The following PPP1CB variants were observed in gnomAD, a reference collection of about 807,000 sequenced individuals.
PPP1CB encodes the protein protein phosphatase 1 catalytic subunit beta, also known as serine/threonine-protein phosphatase PP1-beta catalytic subunit.
In PPP1CB, 2 loss-of-function variants were observed where a neutral mutation model predicts 43.7. That is an observed-to-expected ratio of 0.05 (90% CI 0.02 to 0.14). The LOEUF is 0.14. PPP1CB is among the 10% of genes least tolerant of loss of function. The pLI, the probability that PPP1CB is intolerant of heterozygous loss-of-function variation, is 1.00. For missense variants in PPP1CB, 84 were observed against 398.0 expected (o/e 0.21, Z 6.71); for synonymous variants, 136 against 135.6 (o/e 1.00, Z -0.02).
In PPP1CB at chr2:28,799,591, A is replaced by T. The variant is rs1018438115; in HGVS notation, c.*288A>T. The T allele has an allele frequency of 3.7e-6, 1 of 271,624 alleles. No homozygotes were observed. The highest frequency in any genetic ancestry group is 5.2e-5 in the Admixed American group (1 of 19,318). The allele number at this position is 271,624 out of a possible 1,614,324, so 16.8% of individuals were successfully genotyped here. A position where few individuals can be genotyped will look rare whatever the true frequency, so the allele number is the denominator to read the frequency against. The stretch of plus-strand genomic sequence containing the variant: ...AATTTTTAAAGTTGAAAAGCATCCC[A>T]GTTAAACTAGATGTGATAGTTAAAC... On this transcript the variant is annotated 3_prime_UTR_variant, in exon 8 of 8. Coordinates refer to ENST00000395366, the MANE Select transcript of PPP1CB (RefSeq NM_002709.3).
chr2:28,802,877 A>G lies in PPP1CB; in HGVS notation c.*3574A>G, dbSNP rs1049897861. The G allele has an allele frequency of 6.6e-6, 1 of 152,202 alleles. No individual in the cohort carries two copies. Among genetic ancestry groups the G allele is most frequent in the African/African-American group, 2.4e-5 (1 of 41,464 alleles). The allele number at this position is 152,202 out of a possible 1,614,324, so 9.4% of individuals were successfully genotyped here. A position where few individuals can be genotyped will look rare whatever the true frequency, so the allele number is the denominator to read the frequency against. ...AGACCGTAAGCTTTTTAAGTTTCTC[A>G]TTGTAATTTACCTTCTCATGCAGAT... On this transcript the variant is annotated 3_prime_UTR_variant, in exon 8 of 8. Transcript: ENST00000395366.
At chr2:28,770,283 T>C (rs758267545) in intron 1 of PPP1CB, among the ~76,000 whole-genome samples, 4 of 146,890 alleles carry the variant, frequency 2.7e-5, no homozygotes, top group Admixed American at 7.2e-5. Context: ...GGAGCAAACA[T>C]TGAAATTAAT....
Position 28,799,360 on chromosome 2 carries a change from A to C in PPP1CB, c.*57A>C. On this transcript the variant is annotated 3_prime_UTR_variant, in exon 8 of 8. Coordinates refer to ENST00000395366, the MANE Select transcript of PPP1CB (RefSeq NM_002709.3). ...TTGTTAAGGACATACTTCATAATAT[A>C]TAAGTGTGCACTGTAAAACCATCCA... 1 of 1,378,168 alleles carries C rather than the reference A, an allele frequency of 7.3e-7. No individual in the cohort carries two copies. The highest frequency in any genetic ancestry group is 1.0e-6 in the Non-Finnish European group (1 of 970,374). The allele number at this position is 1,378,168 out of a possible 1,614,324, so 85.4% of individuals were successfully genotyped here.
intron 1 of PPP1CB, among the ~76,000 whole-genome samples, chr2:28,761,463 G>A (rs1046171009): frequency 8.5e-5 from 13 of 152,266 alleles, no homozygotes; most frequent in East Asian, 7.7e-4. Context: ...ATATATGATA[G>A]TAAGTGCCTT....
At chr2:28,758,822 G>A (rs923395348) in intron 1 of PPP1CB, among the ~76,000 whole-genome samples, 2 of 152,224 alleles carry the variant, frequency 1.3e-5, no homozygotes, top group Non-Finnish European at 2.9e-5. Context: ...GACAAGTGGA[G>A]ATATTGATGA....
At chr2:28,758,979 C>A (rs1013415388) in intron 1 of PPP1CB, among the ~76,000 whole-genome samples, 17 of 152,272 alleles carry the variant, frequency 1.1e-4, no homozygotes, top group South Asian at 8.3e-4. Flanking sequence ...AACAGAAGTT[C>A]CCATCTGGTC....
intron 3 of PPP1CB, among the ~76,000 whole-genome samples, chr2:28,781,050 TTAAC>T (rs1366753487): frequency 6.6e-6 from 1 of 152,088 alleles, no homozygotes; most frequent in Non-Finnish European, 1.5e-5. Flanking sequence ...GGCTAGGTAT[TTAAC>T]TAGTCCACAC....
At chr2:28,760,552 CAA>C (rs1361617211) in intron 1 of PPP1CB, among the ~76,000 whole-genome samples, 3 of 152,180 alleles carry the variant, frequency 2.0e-5, no homozygotes, top group Non-Finnish European at 4.4e-5. Context: ...TGCACAACAA[CAA>C]AATCACCTCA....
intron 4 of PPP1CB, 121 bp from the exon 5 acceptor site, chr2:28,783,786 C>G: frequency 3.1e-6 from 2 of 644,572 alleles, no homozygotes; most frequent in Non-Finnish European, 5.2e-6. Flanking sequence ...AAAAGGAACA[C>G]TTTTCAGTAT....
At chr2:28,790,529 G>A (rs1270166803) in intron 6 of PPP1CB, among the ~76,000 whole-genome samples, 3 of 151,890 alleles carry the variant, frequency 2.0e-5, no homozygotes, top group South Asian at 2.1e-4. Context: ...TAGTAGAGAC[G>A]GGGTTTCACT....
chr2:28,771,282 C>G (rs1381325339), intron 1 of PPP1CB, among the ~76,000 whole-genome samples: 1 of 151,898 alleles, frequency 6.6e-6, no homozygotes, highest in East Asian at 1.9e-4. Flanking sequence ...TCTTCCTGAC[C>G]TCAGGTGATC....
chr2:28,757,557 A>T (rs1251196673), intron 1 of PPP1CB, among the ~76,000 whole-genome samples: 1 of 152,178 alleles, frequency 6.6e-6, no homozygotes, highest in African/African-American at 2.4e-5. Context: ...GACAACCTCC[A>T]CTTCTGTAGG....
intron 1 of PPP1CB, among the ~76,000 whole-genome samples, chr2:28,770,023 C>T (rs112299037): frequency 1.0e-3 from 153 of 152,200 alleles, no homozygotes; most frequent in Admixed American, 7.2e-4. Context: ...AATCCCAGCA[C>T]TTTGGGAGGC....
intron 1 of PPP1CB, among the ~76,000 whole-genome samples, chr2:28,764,429 G>A (rs995237127): frequency 2.0e-5 from 3 of 149,384 alleles, no homozygotes; most frequent in South Asian, 2.1e-4. Context: ...CACTGCACTC[G>A]AGCCTAGGCA....
intron 1 of PPP1CB, among the ~76,000 whole-genome samples, chr2:28,775,092 G>A (rs1211549820): frequency 1.3e-5 from 2 of 151,410 alleles, no homozygotes; most frequent in Admixed American, 1.3e-4. Flanking sequence ...GCAATTTTTA[G>A]CAAGAAATAT....
In PPP1CB at chr2:28,755,029, G is replaced by A. The variant is rs185264087; in HGVS notation, c.52+2853G>A. On this transcript the variant is annotated intron_variant, in intron 1 of 7. Transcript: ENST00000395366. ...TTTTGTTTTTCTTTTTTAGGTGGGC[G>A]TATTATTGATAAGTTTTTTTTGTTT... Among the ~76,000 whole-genome samples, 3 of 152,070 alleles carry A rather than the reference G, an allele frequency of 2.0e-5. No individual in the cohort carries two copies. In the East Asian group the frequency reaches 5.8e-4, roughly 29 times the overall value.
intron 1 of PPP1CB, among the ~76,000 whole-genome samples, chr2:28,752,546 A>G (rs946658145): frequency 5.3e-5 from 8 of 152,184 alleles, no homozygotes; most frequent in Non-Finnish European, 1.0e-4. Context: ...GATGCCTGCC[A>G]CTGGGCTTTG....
At chr2:28,757,931 G>C (rs1666530272) in intron 1 of PPP1CB, among the ~76,000 whole-genome samples, 1 of 151,144 alleles carries the variant, frequency 6.6e-6, no homozygotes, top group Non-Finnish European at 1.5e-5. Context: ...TTAAGAGTCA[G>C]GATTAGTGGG....
intron 6 of PPP1CB, among the ~76,000 whole-genome samples, chr2:28,790,331 TA>T (rs1228591349): frequency 1.3e-5 from 2 of 152,120 alleles, no homozygotes; most frequent in Non-Finnish European, 2.9e-5. Context: ...ATGAATTATT[TA>T]ATCTTTTAAT....
Sources: gnomAD v4.1 joint callset for allele counts (sites outside exome capture counted in the v4.1 genomes callset) on GRCh38, gnomAD v4.1.1 for gene constraint, MANE v1.5 for transcripts, NCBI Gene and HGNC (gene_info 2026-07-23, HGNC 2026-07-21) for gene names.